TNFRSF10B: variants seen among roughly 807,000 people sequenced by gnomAD.
TNFRSF10B encodes the protein TNF receptor superfamily member 10b, also known as tumor necrosis factor receptor superfamily member 10B.
In TNFRSF10B, 35 loss-of-function variants were observed where a neutral mutation model predicts 41.4. The observed-to-expected ratio is 0.85, with a 90% CI of 0.65 to 1.12. TNFRSF10B has a LOEUF of 1.12. Ranked by LOEUF, TNFRSF10B falls within the 50% of genes most tolerant of loss-of-function variation. The pLI, the probability that TNFRSF10B is intolerant of heterozygous loss-of-function variation, is 0.00. For missense variants in TNFRSF10B, 584 were observed against 552.7 expected (o/e 1.06, Z -0.57); for synonymous variants, 230 against 215.5 (o/e 1.07, Z -0.59).
rs759990073 is a variant in TNFRSF10B, at chr8:23,022,536, T to C, written c.*135A>G. The stretch of plus-strand genomic sequence containing the variant: ...ACAGGATGTTCCATCCACTGGGTGA[T>C]GTTGGATGGGAGAGTTTCTTCCAGT... On this transcript the variant is annotated 3_prime_UTR_variant, in exon 9 of 9. Transcript: ENST00000276431. 2.2e-6 allele frequency: 2 copies of C among 889,038 alleles called. No homozygotes were observed. Among genetic ancestry groups the C allele is most frequent in the Non-Finnish European group, 3.6e-6 (2 of 549,886 alleles). The allele number at this position is 889,038 out of a possible 1,614,324, so 55.1% of individuals were successfully genotyped here.
At chr8:23,025,788 T>G (rs184457637) in intron 7 of TNFRSF10B, among the ~76,000 whole-genome samples, 29 of 152,130 alleles carry the variant, frequency 1.9e-4, no homozygotes, top group Admixed American at 5.2e-4. Context: ...TTTCAAAAAA[T>G]GATCAGGCCA....
Position 23,021,321 on chromosome 8 carries a change from A to G in TNFRSF10B, c.*1350T>C, listed in dbSNP as rs1314031244. 2 of 454,156 alleles carry G rather than the reference A, an allele frequency of 4.4e-6. No homozygotes were observed. Among genetic ancestry groups the G allele is most frequent in the South Asian group, 3.1e-5 (2 of 64,480 alleles). The allele number at this position is 454,156 out of a possible 1,614,324, so 28.1% of individuals were successfully genotyped here. On this transcript the variant is annotated 3_prime_UTR_variant, in exon 9 of 9. Transcript: ENST00000276431. The stretch of plus-strand genomic sequence containing the variant: ...GCTTACAGAGCGGCCAAGGTCCTCA[A>G]GTAGGCAATCTGTACCCTAAAAGGC...
At chr8:23,026,858 C>T (rs895286370) in intron 7 of TNFRSF10B, among the ~76,000 whole-genome samples, 7 of 152,216 alleles carry the variant, frequency 4.6e-5, no homozygotes, top group Admixed American at 3.3e-4. Context: ...CAGCCTTATT[C>T]ACTCATCAAT....
At chr8:23,029,758 C>T (rs532564249) in intron 3 of TNFRSF10B, 37 bp from the exon 4 acceptor site, 21 of 1,586,878 alleles carry the variant, frequency 1.3e-5, no homozygotes, top group South Asian at 9.0e-5. Context: ...AATGTGTTTT[C>T]CTGATGTGTC....
At chr8:23,058,774 C>T (rs977470617) in intron 1 of TNFRSF10B, among the ~76,000 whole-genome samples, 5 of 152,124 alleles carry the variant, frequency 3.3e-5, no homozygotes, top group African/African-American at 4.8e-5. Flanking sequence ...TGTGAGCCGC[C>T]GTGCCCAGCT....
In TNFRSF10B at chr8:23,027,152, C is replaced by G. The variant is rs757451275; in HGVS notation, c.917G>C (p.Gly306Ala). ...EPTGVNMLSP[G>A]ESEHLLEPAE... ...ACTCACCAGCAGATGCTCTGACTCC[C>G]CGGGGGACAACATGTTGACACCTGT... Residue 306 changes from glycine (G) to alanine (A), a missense_variant, in exon 7 of 9, where the codon GGG becomes GCG. Transcript: ENST00000276431. 2 of 1,614,058 alleles carry G rather than the reference C, an allele frequency of 1.2e-6. No homozygotes were observed. The highest frequency in any genetic ancestry group is 1.7e-6 in the Non-Finnish European group (2 of 1,180,030).
In TNFRSF10B at chr8:23,030,819, C is replaced by T. The variant is rs761782807; in HGVS notation, c.304G>A (p.Asp102Asn). The T allele has an allele frequency of 1.1e-5, 18 of 1,613,146 alleles. No individual in the cohort carries two copies. Among genetic ancestry groups the T allele is most frequent in the Non-Finnish European group, 1.4e-5 (16 of 1,179,650 alleles). The change falls in exon 3 of 9, where the codon GAC (aspartate) becomes AAC (asparagine). Residue 102 changes from aspartate to asparagine, a missense_variant. Physicochemically the swap from Asp to Asn is conservative, Grantham distance 23. Coordinates refer to ENST00000276431, the MANE Select transcript of TNFRSF10B (RefSeq NM_003842.5). ...RDCISCKYGQ[D>N]YSTHWNDLLF... The stretch of plus-strand genomic sequence containing the variant: ...AGGTCATTCCAGTGAGTGCTATAGT[C>T]CTGTCCATATTTGCAGGAGATGCAA...
At chr8:23,044,725 T>C (rs186338137) in intron 1 of TNFRSF10B, among the ~76,000 whole-genome samples, 1 of 150,626 alleles carries the variant, frequency 6.6e-6, no homozygotes, top group East Asian at 2.0e-4. Flanking sequence ...CTCAAGGAAA[T>C]AGAAGAAAAG....
intron 3 of TNFRSF10B, 107 bp downstream of exon 3, chr8:23,030,650 GAA>G: frequency 1.2e-6 from 1 of 804,004 alleles, no homozygotes; most frequent in Non-Finnish European, 2.1e-6. Flanking sequence ...ATGGTATGAT[GAA>G]GACCAAGGTG....
At position 23,036,381 on chromosome 8, in the gene TNFRSF10B, T is replaced by G. The variant is rs1812030278; in HGVS notation, c.251-5509A>C. ...CCCATGATCCCCACTCCTGCAATAT[T>G]ACTTTCTTTTGCCTGGCCTGCACTT... On this transcript the variant is annotated intron_variant, in intron 2 of 8. Coordinates refer to ENST00000276431, the MANE Select transcript of TNFRSF10B (RefSeq NM_003842.5). 2.6e-5 allele frequency among the ~76,000 whole-genome samples: 4 copies of G among 152,336 alleles called. No homozygotes were observed. In the South Asian group the frequency reaches 8.3e-4, roughly 32 times the overall value.
chr8:23,052,743 T>C (rs967660014), intron 1 of TNFRSF10B, among the ~76,000 whole-genome samples: 2 of 152,196 alleles, frequency 1.3e-5, no homozygotes, highest in Non-Finnish European at 1.5e-5. Flanking sequence ...ATGTAAATAG[T>C]TGGTCTAAAT....
rs1811516256 is a variant in TNFRSF10B at position 23,021,404 on chromosome 8, G to A, written c.*1267C>T. ...AGTGAGCCGGGCCATCTACTCCTGA[G>A]ATGGCAACCATTTCACACCATTCTC... On this transcript the variant is annotated 3_prime_UTR_variant, in exon 9 of 9. Coordinates refer to ENST00000276431, the MANE Select transcript of TNFRSF10B (RefSeq NM_003842.5). 2.2e-6 allele frequency: 1 copy of A among 454,010 alleles called. No homozygotes were observed. The highest frequency in any genetic ancestry group is 2.3e-5 in the Admixed American group (1 of 42,554). The allele number at this position is 454,010 out of a possible 1,614,324, so 28.1% of individuals were successfully genotyped here. A position where few individuals can be genotyped will look rare whatever the true frequency, so the allele number is the denominator to read the frequency against.
chr8:23,023,492 A>C (rs1429158361), intron 8 of TNFRSF10B, among the ~76,000 whole-genome samples: 1 of 151,772 alleles, frequency 6.6e-6, no homozygotes, highest in Non-Finnish European at 1.5e-5. Context: ...AGGCAAACAG[A>C]CTCTGAGCAA....
intron 1 of TNFRSF10B, among the ~76,000 whole-genome samples, chr8:23,055,520 T>TAAA (rs1812637974): frequency 2.3e-5 from 1 of 43,514 alleles, no homozygotes; most frequent in Admixed American, 1.9e-4. Flanking sequence ...TATTAAATGC[T>TAAA]TAAAAAAAAA....
intron 1 of TNFRSF10B, among the ~76,000 whole-genome samples, chr8:23,066,764 G>GTGCA (rs939733172): frequency 6.6e-6 from 1 of 151,940 alleles, no homozygotes; most frequent in Non-Finnish European, 1.5e-5. Context: ...GGGCGTGGTG[G>GTGCA]TGCATGCCTG....
chr8:23,065,438 G>T (rs1180807931), intron 1 of TNFRSF10B, among the ~76,000 whole-genome samples: 1 of 152,198 alleles, frequency 6.6e-6, no homozygotes, highest in Non-Finnish European at 1.5e-5. Flanking sequence ...CAGAAGACAT[G>T]TCCAGTGTCT....
intron 2 of TNFRSF10B, 70 bp downstream of exon 2, chr8:23,043,068 G>A (rs781296870): frequency 1.4e-6 from 2 of 1,445,152 alleles, no homozygotes; most frequent in Non-Finnish European, 1.9e-6. Flanking sequence ...GAAGTGCAAA[G>A]GAAACAGACT....
intron 5 of TNFRSF10B, 27 bp downstream of exon 5, chr8:23,028,304 G>A: frequency 1.2e-6 from 2 of 1,613,454 alleles, no homozygotes; most frequent in Admixed American, 3.3e-5. Context: ...AGAGTGCCCT[G>A]TGCCCCCGCC....
intron 1 of TNFRSF10B, among the ~76,000 whole-genome samples, chr8:23,061,398 T>A (rs1273303171): frequency 1.3e-5 from 2 of 152,346 alleles, no homozygotes; most frequent in East Asian, 1.9e-4. Flanking sequence ...TTCAAAATTT[T>A]AAAAATTTAA....
Sources: allele counts gnomAD v4.1 joint callset (sites outside exome capture counted in the v4.1 genomes callset), GRCh38; gene constraint gnomAD v4.1.1; transcripts MANE v1.5; gene names NCBI Gene and HGNC (gene_info 2026-07-23, HGNC 2026-07-21).